KIAA1549L: variants seen among roughly 807,000 people sequenced by gnomAD.
The protein encoded by KIAA1549L is UPF0606 protein KIAA1549L.
Under a neutral mutation model 160.7 loss-of-function variants are expected in KIAA1549L, and 88 were observed. The ratio of observed to expected loss-of-function variants is 0.55; its 90% CI spans 0.46 to 0.65. The LOEUF is 0.65. KIAA1549L is among the 30% of genes least tolerant of loss of function. The pLI is 0.00. For missense variants in KIAA1549L, 2,258 were observed against 2,437.5 expected, an observed-to-expected ratio of 0.93 and a Z score of 1.55; for synonymous variants, 950 against 976.7, an observed-to-expected ratio of 0.97 and a Z score of 0.51.
At chr11:33,521,922 G>A (rs1375152652) in intron 1 of KIAA1549L, among the ~76,000 whole-genome samples, 1 of 152,196 alleles carries the variant, frequency 6.6e-6, no homozygotes, top group East Asian at 1.9e-4. Flanking sequence ...TGAGGCATTA[G>A]GAGATAGAAA....
At chr11:33,590,760 G>GA (rs1850029340) in intron 11 of KIAA1549L, among the ~76,000 whole-genome samples, 1 of 152,162 alleles carries the variant, frequency 6.6e-6, no homozygotes. Flanking sequence ...GTTCTCAGAT[G>GA]AAAAAATTGA....
Position 33,574,766 on chromosome 11 carries a change from A to T in KIAA1549L, c.4295A>T (p.Tyr1432Phe), listed in dbSNP as rs1291365422. Residue 1432 changes from tyrosine (Y) to phenylalanine (F), a missense_variant, in exon 10 of 21, where the codon TAC becomes TTC. Physicochemically the swap from Tyr to Phe is conservative, Grantham distance 22. Transcript: ENST00000658780. ...DPAELTYYTLYNGKPLLGTAA... is the reference protein window; with the variant it reads ...DPAELTYYTLFNGKPLLGTAA... ...GCGGAGCTGACTTACTATACCCTGT[A>T]CAACGGGAAGCCTTTGTTGGGGACC... The T allele has an allele frequency of 1.2e-6, 2 of 1,614,018 alleles. No individual in the cohort carries two copies. The highest frequency in any genetic ancestry group is 1.7e-6 in the Non-Finnish European group (2 of 1,179,862).
chr11:33,644,345 T>C (rs1471165783), intron 16 of KIAA1549L, among the ~76,000 whole-genome samples: 1 of 152,240 alleles, frequency 6.6e-6, no homozygotes, highest in Admixed American at 6.5e-5. Context: ...TAAAATGAAG[T>C]ATAATGCAGT....
intron 1 of KIAA1549L, among the ~76,000 whole-genome samples, chr11:33,516,500 A>T (rs1565165937): frequency 6.6e-6 from 1 of 152,214 alleles, no homozygotes; most frequent in Non-Finnish European, 1.5e-5. Context: ...GAGAAATCTG[A>T]GCAACCAAAT....
chr11:33,637,520 A>T (rs933269988), intron 16 of KIAA1549L, among the ~76,000 whole-genome samples: 80 of 152,338 alleles, frequency 5.3e-4, no homozygotes, highest in African/African-American at 1.7e-3. Flanking sequence ...CTTCAGCTAC[A>T]AGGTCTGTAT....
intron 1 of KIAA1549L, among the ~76,000 whole-genome samples, chr11:33,517,221 G>A (rs906040860): frequency 6.6e-6 from 1 of 152,178 alleles, no homozygotes; most frequent in Non-Finnish European, 1.5e-5. Flanking sequence ...CCCCAAGATA[G>A]ATGGGTTCAC....
At chr11:33,380,523 A>C (rs1850052946) in intron 1 of KIAA1549L, among the ~76,000 whole-genome samples, 1 of 152,114 alleles carries the variant, frequency 6.6e-6, no homozygotes, top group African/African-American at 2.4e-5. Flanking sequence ...TTTGGGGTGG[A>C]GAGTTCTGTG....
intron 1 of KIAA1549L, among the ~76,000 whole-genome samples, chr11:33,484,040 G>A (rs1852469864): frequency 6.6e-6 from 1 of 152,116 alleles, no homozygotes; most frequent in South Asian, 2.1e-4. Context: ...GCTTTATTTG[G>A]GGCAGGTTCT....
At chr11:33,585,719 A>C (rs183596729) in intron 11 of KIAA1549L, among the ~76,000 whole-genome samples, 77 of 152,294 alleles carry the variant, frequency 5.1e-4, no homozygotes, top group African/African-American at 1.8e-3. Context: ...TAATCTGCCA[A>C]AATGAGTTGG....
At chr11:33,552,683 C>T (rs983606811) in intron 6 of KIAA1549L, among the ~76,000 whole-genome samples, 1 of 148,436 alleles carries the variant, frequency 6.7e-6, no homozygotes, top group African/African-American at 2.6e-5. Flanking sequence ...CACACACACA[C>T]ACACACACAC....
intron 6 of KIAA1549L, among the ~76,000 whole-genome samples, chr11:33,553,119 A>C (rs1251825612): frequency 2.0e-5 from 3 of 152,198 alleles, no homozygotes; most frequent in Non-Finnish European, 4.4e-5. Context: ...ACAGGATTTT[A>C]GATGCTCTAA....
chr11:33,421,515 A>G (rs1851011191), intron 1 of KIAA1549L, among the ~76,000 whole-genome samples: 1 of 152,246 alleles, frequency 6.6e-6, no homozygotes, highest in Non-Finnish European at 1.5e-5. Flanking sequence ...CATTTTAACA[A>G]GATCTCCAGG....
chr11:33,544,957 G>A lies in KIAA1549L; in HGVS notation c.2964G>A (p.Lys988=), dbSNP rs1434828154. The A allele has an allele frequency of 1.9e-6, 3 of 1,613,782 alleles. No homozygotes were observed. The highest frequency in any genetic ancestry group is 2.5e-6 in the Non-Finnish European group (3 of 1,179,842). ...CTCTTGCTAAAAATGTCACAAACAA[G>A]GCCGCATCTGGCCCAAAGAGGACAC... The part of the protein sequence containing the change: ...MTTLAKNVTN[K]AASGPKRTPG... Residue 988 remains lysine, a synonymous_variant, in exon 3 of 21, where the codon AAG becomes AAA. Transcript: ENST00000658780.
intron 1 of KIAA1549L, among the ~76,000 whole-genome samples, chr11:33,473,713 C>A (rs575385991): frequency 6.6e-6 from 1 of 152,248 alleles, no homozygotes; most frequent in African/African-American, 2.4e-5. Context: ...ATTCCCTGAC[C>A]ATTTTCCTCA....
intron 1 of KIAA1549L, among the ~76,000 whole-genome samples, chr11:33,470,361 A>T (rs1360202091): frequency 6.6e-6 from 1 of 152,184 alleles, no homozygotes; most frequent in African/African-American, 2.4e-5. Context: ...CAGTTCTATT[A>T]CATTGATCTC....
chr11:33,622,026 A>G (rs1850971301), intron 16 of KIAA1549L, among the ~76,000 whole-genome samples: 2 of 152,210 alleles, frequency 1.3e-5, no homozygotes, highest in Admixed American at 1.3e-4. Context: ...GGTAGTTGCC[A>G]GTCCTGTGGG....
chr11:33,470,255 A>G (rs1487673941), intron 1 of KIAA1549L, among the ~76,000 whole-genome samples: 1 of 152,168 alleles, frequency 6.6e-6, no homozygotes, highest in Non-Finnish European at 1.5e-5. Flanking sequence ...TCCCAGCACC[A>G]TTCATTGAAA....
intron 1 of KIAA1549L, among the ~76,000 whole-genome samples, chr11:33,480,783 A>T (rs1432915171): frequency 6.6e-6 from 1 of 152,170 alleles, no homozygotes; most frequent in African/African-American, 2.4e-5. Context: ...CTGCAGTGAG[A>T]CTGCCACTGT....
intron 16 of KIAA1549L, among the ~76,000 whole-genome samples, chr11:33,628,274 G>A (rs1477261418): frequency 6.6e-6 from 1 of 152,074 alleles, no homozygotes; most frequent in African/African-American, 2.4e-5. Context: ...GATTTGGGGT[G>A]GAGAGTTCTG....
Sources: allele counts gnomAD v4.1 joint callset (sites outside exome capture counted in the v4.1 genomes callset), GRCh38; gene constraint gnomAD v4.1.1; transcripts MANE v1.5; gene names NCBI Gene and HGNC (gene_info 2026-07-23, HGNC 2026-07-21).